BCAP31: variants seen among roughly 807,000 people sequenced by gnomAD.
The protein encoded by BCAP31 is B cell receptor associated protein 31, also known as B-cell receptor-associated protein 31.
For missense variants in BCAP31, 124 were observed against 193.0 expected, an observed-to-expected ratio of 0.64 and a Z score of 2.12; for synonymous variants, 75 against 80.9, an observed-to-expected ratio of 0.93 and a Z score of 0.39.
chrX:153,715,047 C>T (rs1449569378), intron 4 of BCAP31, among the ~76,000 whole-genome samples: 1 of 111,983 alleles, frequency 8.9e-6, no homozygotes, highest in African/African-American at 3.2e-5. Flanking sequence ...AATACTCTGG[C>T]TGCCATGGAA....
intron 7 of BCAP31, among the ~76,000 whole-genome samples, chrX:153,701,613 T>C (rs1456308252): frequency 1.8e-5 from 2 of 112,835 alleles, no homozygotes; most frequent in Admixed American, 9.3e-5. Context: ...TTTGACACCT[T>C]GTGCCCTCAC....
At chrX:153,703,109 G>A (rs2091529976) in intron 5 of BCAP31, 51 bp from the exon 6 acceptor site, 2 of 1,196,143 alleles carry the variant, frequency 1.7e-6, no homozygotes, top group Non-Finnish European at 2.2e-6. Flanking sequence ...GGAGGGAGAG[G>A]TTCCAGCCCC....
At chrX:153,718,709 A>G (rs1057390896) in intron 3 of BCAP31, among the ~76,000 whole-genome samples, 14 of 112,025 alleles carry the variant, frequency 1.2e-4, no homozygotes, top group Non-Finnish European at 1.7e-4. Flanking sequence ...GTTTCCTTAC[A>G]CTGTCACCTG....
chrX:153,723,081 C>T, intron 2 of BCAP31, 72 bp downstream of exon 2: 1 of 1,150,899 alleles, frequency 8.7e-7, no homozygotes, highest in Non-Finnish European at 1.2e-6. Context: ...CCACCAGCTG[C>T]ACACACCAGT....
chrX:153,722,309 T>C (rs781924661), intron 2 of BCAP31, among the ~76,000 whole-genome samples: 19 of 112,147 alleles, frequency 1.7e-4, no homozygotes, highest in Non-Finnish European at 3.0e-4. Context: ...TAGATAAACG[T>C]CTTAAATCCA....
At chrX:153,723,613 C>T in intron 1 of BCAP31, 1 of 1,168,034 alleles carries the variant, frequency 8.6e-7, no homozygotes, top group Non-Finnish European at 1.1e-6. Context: ...GAAAGGCGTT[C>T]TTCGGGAAGA....
intron 1 of BCAP31, chrX:153,723,846 G>A: frequency 1.6e-6 from 1 of 642,638 alleles, no homozygotes; most frequent in Non-Finnish European, 2.4e-6. Flanking sequence ...AGGATCCAGC[G>A]GCCTTCCGCC....
intron 1 of BCAP31, chrX:153,723,776 G>A: frequency 1.1e-6 from 1 of 944,187 alleles, no homozygotes; most frequent in Non-Finnish European, 1.4e-6. Flanking sequence ...AAGCGCTGCC[G>A]ACGCCCCCGC....
At chrX:153,715,978 CA>C (rs1392407106) in intron 3 of BCAP31, among the ~76,000 whole-genome samples, 20 of 105,008 alleles carry the variant, frequency 1.9e-4, no homozygotes, top group African/African-American at 6.8e-4. Flanking sequence ...GCCAACATGG[CA>C]AAACCCCATC....
intron 3 of BCAP31, among the ~76,000 whole-genome samples, chrX:153,719,555 T>A (rs1318197664): frequency 9.0e-6 from 1 of 111,014 alleles, no homozygotes; most frequent in African/African-American, 3.3e-5. Flanking sequence ...GAAGGAGAAA[T>A]GCCTAATGCT....
intron 4 of BCAP31, among the ~76,000 whole-genome samples, chrX:153,712,131 C>T (rs1485113631): frequency 2.7e-5 from 3 of 110,462 alleles, no homozygotes; most frequent in Non-Finnish European, 5.7e-5. Flanking sequence ...CACTCAAGAA[C>T]GCTGGAGAGG....
chrX:153,719,281 A>G (rs889205460), intron 3 of BCAP31, among the ~76,000 whole-genome samples: 5 of 111,499 alleles, frequency 4.5e-5, no homozygotes, highest in Non-Finnish European at 9.4e-5. Context: ...CCAAAAGCCA[A>G]AACACACATG....
At chrX:153,702,162 G>A in intron 6 of BCAP31, 55 bp from the exon 7 acceptor site, 1 of 1,048,311 alleles carries the variant, frequency 9.5e-7, no homozygotes, top group Non-Finnish European at 1.3e-6. Context: ...GGAATTAGGG[G>A]GAAAAAACCC....
At chrX:153,701,418 T>C (rs1557047316) in intron 7 of BCAP31, among the ~76,000 whole-genome samples, 1 of 112,736 alleles carries the variant, frequency 8.9e-6, no homozygotes, top group Non-Finnish European at 1.9e-5. Context: ...TGCCCAAACT[T>C]GGGCCACCAA....
At chrX:153,703,874 G>C (rs2091535684) in intron 5 of BCAP31, 85 bp downstream of exon 5, 4 of 1,142,116 alleles carry the variant, frequency 3.5e-6, no homozygotes, top group Admixed American at 4.6e-5. Context: ...TGACAGGCTA[G>C]CAGTGGCCAC....
At chrX:153,703,262 G>A (rs1476409873) in intron 5 of BCAP31, among the ~76,000 whole-genome samples, 1 of 113,388 alleles carries the variant, frequency 8.8e-6, no homozygotes, top group Non-Finnish European at 1.9e-5. Context: ...AAAGAGAAGC[G>A]CCAGCGGGGC....
intron 4 of BCAP31, among the ~76,000 whole-genome samples, chrX:153,708,334 T>C (rs2091567582): frequency 1.8e-5 from 2 of 112,569 alleles, no homozygotes; most frequent in African/African-American, 3.2e-5. Flanking sequence ...CAGCCCTGTC[T>C]TCCCCCATGA....
intron 3 of BCAP31, among the ~76,000 whole-genome samples, chrX:153,716,185 G>T (rs1232385408): frequency 1.9e-5 from 2 of 105,795 alleles, no homozygotes; most frequent in South Asian, 4.2e-4. Flanking sequence ...AAAAAAGGAA[G>T]CTCCCACCCT....
intron 1 of BCAP31, chrX:153,723,823 G>A (rs1350352469): frequency 1.4e-6 from 1 of 706,777 alleles, no homozygotes; most frequent in Non-Finnish European, 2.1e-6. Flanking sequence ...GAGAGAAACC[G>A]GCACCTCCCT....
Sources: allele counts gnomAD v4.1 joint callset (sites outside exome capture counted in the v4.1 genomes callset), GRCh38; gene constraint gnomAD v4.1.1; transcripts MANE v1.5; gene names NCBI Gene and HGNC (gene_info 2026-07-23, HGNC 2026-07-21).